SCARB2: variants seen among roughly 807,000 people sequenced by gnomAD.
The protein encoded by SCARB2 is lysosome membrane protein 2.
SCARB2 carries 29 observed loss-of-function variants against 58.6 expected under a neutral mutation model. That is an observed-to-expected ratio of 0.49 (90% CI 0.37 to 0.67). SCARB2 has a LOEUF of 0.67. Among genes scored for constraint, SCARB2 ranks in the 30% least tolerant of loss-of-function variants. The probability of loss-of-function intolerance (pLI) is 0.00; values close to 1 mark genes in which losing one functional copy is unlikely to be tolerated. For missense variants in SCARB2, 488 were observed against 578.5 expected (o/e 0.84, Z 1.60); for synonymous variants, 195 against 210.1 (o/e 0.93, Z 0.62).
At chr4:76,173,066 G>A (rs1732165700) in intron 7 of SCARB2, 1 of 152,144 alleles carries the variant, frequency 6.6e-6, no homozygotes, top group African/African-American at 2.4e-5. Context: ...GCCGCTGAAT[G>A]TCTACTATCT....
At chr4:76,191,779 C>G (rs1180112503) in intron 2 of SCARB2, 1 of 70,194 alleles carries the variant, frequency 1.4e-5, no homozygotes, top group African/African-American at 4.6e-5. Flanking sequence ...TTTCTTTCTT[C>G]TTTTTTTTTG....
chr4:76,209,242 A>AG (rs1732991861), intron 1 of SCARB2, among the ~76,000 whole-genome samples: 1 of 152,224 alleles, frequency 6.6e-6, no homozygotes, highest in Non-Finnish European at 1.5e-5. Flanking sequence ...AATGATATAT[A>AG]GCTGAATGCC....
chr4:76,232,760 T>A (rs1047753305), intron 1 of SCARB2, among the ~76,000 whole-genome samples: 1 of 152,148 alleles, frequency 6.6e-6, no homozygotes, highest in African/African-American at 2.4e-5. Context: ...AAAAGCCAGG[T>A]ATCAGAAAAG....
chr4:76,169,341 C>CACACACACACACACACACACACACATAT (rs3217498), intron 8 of SCARB2, among the ~76,000 whole-genome samples: 2 of 151,240 alleles, frequency 1.3e-5, no homozygotes, highest in South Asian at 4.2e-4. Context: ...CACACACACA[C>CACACACACACACACACACACACACATAT]GTGTGTATGT....
At chr4:76,176,138 T>A (rs1732247398) in intron 5 of SCARB2, 2 of 620,822 alleles carry the variant, frequency 3.2e-6, no homozygotes, top group East Asian at 5.5e-5. Flanking sequence ...TGTGGTGGTT[T>A]GAAAAGTATT....
intron 8 of SCARB2, among the ~76,000 whole-genome samples, chr4:76,168,959 C>T (rs768501248): frequency 3.9e-5 from 6 of 152,204 alleles, no homozygotes; most frequent in African/African-American, 1.4e-4. Context: ...AGCTGCAGCA[C>T]TTGTCATCCT....
intron 1 of SCARB2, among the ~76,000 whole-genome samples, chr4:76,203,418 C>T (rs951700117): frequency 1.3e-5 from 2 of 152,228 alleles, no homozygotes; most frequent in African/African-American, 2.4e-5. Context: ...TTCAGCATAT[C>T]CATCCCAATA....
At chr4:76,165,965 C>T in intron 10 of SCARB2, 1 of 528,144 alleles carries the variant, frequency 1.9e-6, no homozygotes, top group Non-Finnish European at 3.4e-6. Flanking sequence ...CTGCCAATGG[C>T]TCCTTTTACC....
intron 1 of SCARB2, among the ~76,000 whole-genome samples, chr4:76,221,004 C>T (rs1733296945): frequency 6.6e-6 from 1 of 152,150 alleles, no homozygotes; most frequent in Non-Finnish European, 1.5e-5. Context: ...AACTGTACAA[C>T]TCACAGGCCC....
chr4:76,163,594 T>C lies in SCARB2; in HGVS notation c.1240-211A>G, dbSNP rs1450958284. The C allele has an allele frequency of 5.0e-6, 3 of 601,294 alleles. No individual in the cohort carries two copies. The East Asian group carries it at 8.4e-5, about 17-fold the overall frequency. The allele number at this position is 601,294 out of a possible 1,614,324, so 37.2% of individuals were successfully genotyped here. ...CTCCTGAAGACATTTTTTTTACTCT[T>C]AAAATAGATTGGAAAAAGGAGGTAA... On this transcript the variant is annotated intron_variant, in intron 10 of 11. Transcript: ENST00000264896.
intron 2 of SCARB2, among the ~76,000 whole-genome samples, chr4:76,183,206 G>A (rs1482464925): frequency 2.0e-5 from 3 of 152,104 alleles, no homozygotes; most frequent in African/African-American, 7.2e-5. Context: ...GAGACTTCTG[G>A]TCACCAAGAA....
chr4:76,175,745 T>G (rs1732238995), intron 6 of SCARB2, 46 bp downstream of exon 6: 1 of 1,611,478 alleles, frequency 6.2e-7, no homozygotes, highest in African/African-American at 1.3e-5. Flanking sequence ...GGTCTTGCAG[T>G]GAAAGACCTT....
intron 1 of SCARB2, among the ~76,000 whole-genome samples, chr4:76,202,889 T>C (rs1238769516): frequency 6.6e-6 from 1 of 152,244 alleles, no homozygotes; most frequent in African/African-American, 2.4e-5. Flanking sequence ...TAAAAAAATA[T>C]ACTAAATCAG....
chr4:76,206,065 C>T (rs1481010038), intron 1 of SCARB2, among the ~76,000 whole-genome samples: 6 of 152,048 alleles, frequency 3.9e-5, no homozygotes, highest in African/African-American at 7.3e-5. Context: ...AGGTCACGAG[C>T]GTAGAACCCT....
Position 76,195,735 on chromosome 4 carries a change from C to A in SCARB2, c.247G>T (p.Val83Leu). The A allele has an allele frequency of 6.2e-7, 1 of 1,614,008 alleles. No homozygotes were observed. Among genetic ancestry groups the A allele is most frequent in the Non-Finnish European group, 8.5e-7 (1 of 1,179,900 alleles). The change falls in exon 2 of 12, where the codon GTG becomes TTG. Residue 83 changes from valine to leucine, a missense_variant. Coordinates refer to ENST00000264896, the MANE Select transcript of SCARB2 (RefSeq NM_005506.4). ...EEILRGETPR[V>L]EEVGPYTYRE... Reference sequence around the variant, plus strand: ...TAGGTGTATGGCCCCACTTCTTCCACCCGAGGGGTCTCCCCTCTGAGGATC... The same window carrying A: ...TAGGTGTATGGCCCCACTTCTTCCAACCGAGGGGTCTCCCCTCTGAGGATC...
intron 2 of SCARB2, among the ~76,000 whole-genome samples, chr4:76,189,575 G>A (rs113541683): frequency 3.0e-4 from 45 of 151,878 alleles, no homozygotes; most frequent in East Asian, 2.7e-3. Flanking sequence ...CTCTGCCTCC[G>A]GGGTTCAAGT....
At chr4:76,216,815 C>T (rs956965079), upstream of SCARB2, among the ~76,000 whole-genome samples, 1 of 152,198 alleles carries the variant, frequency 6.6e-6, no homozygotes, top group Admixed American at 6.5e-5. Flanking sequence ...AATGTGTTAA[C>T]ATAAGACAGA....
chr4:76,180,647 T>C (rs775863022), intron 3 of SCARB2: 5 of 172,858 alleles, frequency 2.9e-5, no homozygotes, highest in Non-Finnish European at 4.9e-5. Context: ...TTTAAAATTA[T>C]TAGCTACCAA....
At chr4:76,171,000 G>A (rs1253268414) in intron 7 of SCARB2, among the ~76,000 whole-genome samples, 1 of 144,746 alleles carries the variant, frequency 6.9e-6, no homozygotes, top group Non-Finnish European at 1.5e-5. Context: ...GTTACTAAAG[G>A]AAACCTATTC....
Sources: allele counts gnomAD v4.1 joint callset (sites outside exome capture counted in the v4.1 genomes callset), GRCh38; gene constraint gnomAD v4.1.1; transcripts MANE v1.5; gene names NCBI Gene and HGNC (gene_info 2026-07-23, HGNC 2026-07-21).